MYO18A: variants seen among roughly 807,000 people sequenced by gnomAD.
The protein encoded by MYO18A is unconventional myosin-XVIIIa.
In MYO18A, 78 loss-of-function variants were observed where a neutral mutation model predicts 235.8. That is an observed-to-expected ratio of 0.33 (90% confidence interval 0.28 to 0.40). MYO18A has a LOEUF of 0.40. Ranked by LOEUF, MYO18A falls within the 10% of genes least tolerant of loss-of-function variation. The pLI is 1.00. For synonymous variants in MYO18A, 977 were observed against 1,077.8 expected, an observed-to-expected ratio of 0.91 and a Z score of 1.83; for missense variants, 2,215 against 2,699.3, an observed-to-expected ratio of 0.82 and a Z score of 3.98.
intron 2 of MYO18A, among the ~76,000 whole-genome samples, chr17:29,145,436 G>T (rs1400287817): frequency 6.6e-6 from 1 of 152,202 alleles, no homozygotes; most frequent in Non-Finnish European, 1.5e-5. Context: ...AGAGCTGGGG[G>T]AAGGCCAGAC....
At position 29,109,473 on chromosome 17, in the gene MYO18A, T is replaced by C. The variant is rs1237653995; in HGVS notation, c.3331+385A>G. On this transcript the variant is annotated intron_variant, in intron 19 of 41. Transcript: ENST00000527372. This position sits in a 1 kb window ranked among gnomAD's most constrained non-coding sequence, Gnocchi z 4.1. ...GAATTTTAAGTACTTCAGAAAGATT[T>C]AGCACCTCATTTCTCACTGGGCAGA... 6.6e-6 allele frequency among the ~76,000 whole-genome samples: 1 copy of C among 152,236 alleles called. No homozygotes were observed. Among genetic ancestry groups the C allele is most frequent in the Non-Finnish European group, 1.5e-5 (1 of 68,042 alleles).
intron 28 of MYO18A, 132 bp from the exon 29 acceptor site, chr17:29,095,191 C>T: frequency 7.6e-7 from 1 of 1,319,322 alleles, no homozygotes; most frequent in Non-Finnish European, 1.0e-6. Context: ...AACGTGGGGC[C>T]AGTTGTAAGG....
rs2066879647 is a variant in MYO18A, at chr17:29,109,665, ACT to A, written c.3331+191_3331+192del. Among the ~76,000 whole-genome samples, 1 of 151,720 alleles carries A rather than the reference ACT, an allele frequency of 6.6e-6. No homozygotes were observed. Among genetic ancestry groups the A allele is most frequent in the Non-Finnish European group, 1.5e-5 (1 of 67,918 alleles). On this transcript the variant is annotated intron_variant, in intron 19 of 41. Transcript: ENST00000527372. The surrounding 1 kb of genome is among the most constrained non-coding windows in gnomAD (Gnocchi z 4.1). ...ATGGAAGGGAGAGGAGGAGGCGGGG[ACT>A]CTGCAGGATGGAAGGAAATGGACAA...
chr17:29,079,503 G>A (rs919416161), intron 41 of MYO18A, among the ~76,000 whole-genome samples: 3 of 152,228 alleles, frequency 2.0e-5, no homozygotes, highest in Non-Finnish European at 2.9e-5. Context: ...GTAAGTGGGA[G>A]CTATGACATC....
chr17:29,164,258 C>T (rs1198544445), intron 2 of MYO18A, among the ~76,000 whole-genome samples: 2 of 152,196 alleles, frequency 1.3e-5, no homozygotes, highest in Non-Finnish European at 2.9e-5. Context: ...TCTCTGAGTT[C>T]CACCTAACCT....
In MYO18A at chr17:29,115,216, T is replaced by C; in HGVS notation, c.2319-117A>G. ...CAGGACCCTGGTGGGGAGGGCATGC[T>C]GGCCTTGCTCATAGCCCATGGGACA... On this transcript the variant is annotated intron_variant, in intron 13 of 41. Coordinates refer to ENST00000527372, the MANE Select transcript of MYO18A (RefSeq NM_078471.4). 3 of 1,424,784 alleles carry C rather than the reference T, an allele frequency of 2.1e-6. No homozygotes were observed. In the South Asian group the frequency reaches 4.0e-5, roughly 19 times the overall value. The allele number at this position is 1,424,784 out of a possible 1,614,324, so 88.3% of individuals were successfully genotyped here. A position where few individuals can be genotyped will look rare whatever the true frequency, so the allele number is the denominator to read the frequency against.
At position 29,098,411 on chromosome 17, in the gene MYO18A, T is replaced by G. The variant is rs1182327493; in HGVS notation, c.3815A>C (p.Lys1272Thr). 3 of 1,613,828 alleles carry G rather than the reference T, an allele frequency of 1.9e-6. No homozygotes were observed. The highest frequency in any genetic ancestry group is 2.7e-5 in the African/African-American group (2 of 74,934). ...EIQQLRSKLE[K>T]AEKERNELRL... Reference sequence around the variant, plus strand: ...CAGCTCGTTCCTCTCCTTCTCCGCCTTCTCGAGCTTGCTCCGCAGCTGCTG... The same window carrying G: ...CAGCTCGTTCCTCTCCTTCTCCGCCGTCTCGAGCTTGCTCCGCAGCTGCTG... Residue 1272 changes from lysine (K) to threonine (T), a missense_variant, in exon 24 of 42, where the codon AAG becomes ACG. By Grantham distance (78) the Lys-to-Thr change is moderately conservative. Coordinates refer to ENST00000527372, the MANE Select transcript of MYO18A (RefSeq NM_078471.4).
At chr17:29,107,056 A>T in intron 20 of MYO18A, 24 bp downstream of exon 20, 1 of 1,604,760 alleles carries the variant, frequency 6.2e-7, no homozygotes, top group Non-Finnish European at 8.5e-7. Context: ...GCAGAGGGAG[A>T]GCGGTCTGGG....
chr17:29,140,220 C>T lies in MYO18A; in HGVS notation c.1000-17967G>A. 2 of 658,092 alleles carry T rather than the reference C, an allele frequency of 3.0e-6. No individual in the cohort carries two copies. The highest frequency in any genetic ancestry group is 4.2e-6 in the Non-Finnish European group (2 of 477,126). The allele number at this position is 658,092 out of a possible 1,614,324, so 40.8% of individuals were successfully genotyped here. On this transcript the variant is annotated intron_variant, in intron 2 of 41. Coordinates refer to ENST00000527372, the MANE Select transcript of MYO18A (RefSeq NM_078471.4). The surrounding 1 kb of genome is among the most constrained non-coding windows in gnomAD (Gnocchi z 4.2). ...GGAGCCCCAAGGCTGCCCCACCCCT[C>T]TCCCCACCTACTTCAGCCACATCTG...
chr17:29,146,209 G>T (rs534895457), intron 2 of MYO18A, among the ~76,000 whole-genome samples: 1 of 152,240 alleles, frequency 6.6e-6, no homozygotes, highest in African/African-American at 2.4e-5. Context: ...AGTGAGCTGA[G>T]ATCACGCCAC....
chr17:29,086,605 C>T, intron 38 of MYO18A, 28 bp from the exon 39 acceptor site: 1 of 1,609,056 alleles, frequency 6.2e-7, no homozygotes, highest in Non-Finnish European at 8.5e-7. Context: ...GCCCAGTTTG[C>T]AGGAGGGCTA....
At chr17:29,101,081 T>C (rs1333616981) in intron 21 of MYO18A, among the ~76,000 whole-genome samples, 2 of 152,160 alleles carry the variant, frequency 1.3e-5, no homozygotes, top group Non-Finnish European at 2.9e-5. Flanking sequence ...CACTGCAACC[T>C]CTACCTCCCA....
intron 40 of MYO18A, among the ~76,000 whole-genome samples, 165 bp from the exon 41 acceptor site, chr17:29,082,603 T>C (rs1043139977): frequency 3.3e-5 from 5 of 151,928 alleles, no homozygotes; most frequent in African/African-American, 4.8e-5. Context: ...GAGCACACCA[T>C]TCACAAGGAG....
chr17:29,090,210 T>C (rs2152751660), intron 36 of MYO18A, 112 bp from the exon 37 acceptor site: 1 of 1,246,280 alleles, frequency 8.0e-7, no homozygotes, highest in Non-Finnish European at 1.1e-6. Context: ...GAGGGAGGGA[T>C]GCACCTGGGA....
chr17:29,114,301 T>C, intron 14 of MYO18A: 3 of 558,046 alleles, frequency 5.4e-6, no homozygotes, highest in Non-Finnish European at 9.6e-6. Context: ...AGAACCTCTT[T>C]TTATCCGAAG....
At position 29,110,574 on chromosome 17, in the gene MYO18A, C is replaced by A; in HGVS notation, c.2949G>T (p.Val983=). ...CCAGGCCCGCGATGGAGCCAGAGAGCACCGTGGCACTGCCTGCGCGGCCCA... is the reference window on the plus strand; with the variant it reads ...CCAGGCCCGCGATGGAGCCAGAGAGAACCGTGGCACTGCCTGCGCGGCCCA... The part of the protein sequence containing the change: ...LFLGRAGSAT[V]LSGSIAGLEG... Residue 983 remains valine (V), a synonymous_variant, in exon 18 of 42, where the codon GTG becomes GTT. Coordinates refer to ENST00000527372, the MANE Select transcript of MYO18A (RefSeq NM_078471.4). 1 of 1,612,184 alleles carries A rather than the reference C, an allele frequency of 6.2e-7. No homozygotes were observed. Among genetic ancestry groups the A allele is most frequent in the Middle Eastern group, 1.7e-4 (1 of 6,046 alleles).
chr17:29,142,910 C>T (rs1022739159), intron 2 of MYO18A, among the ~76,000 whole-genome samples: 8 of 152,246 alleles, frequency 5.3e-5, no homozygotes, highest in Non-Finnish European at 1.0e-4. Flanking sequence ...CAGGTTCAAG[C>T]GATTCTTGTG....
Position 29,074,070 on chromosome 17 carries a change from C to T in MYO18A, c.*700G>A. On this transcript the variant is annotated 3_prime_UTR_variant, in exon 42 of 42. Coordinates refer to ENST00000527372, the MANE Select transcript of MYO18A (RefSeq NM_078471.4). This position sits in a 1 kb window ranked among gnomAD's most constrained non-coding sequence, Gnocchi z 4.4. Reference sequence around the variant, plus strand: ...CACTTGTCTGCGTAGGCTTGCTCAACCCAGCCCAGCAGCACCGGAGAGCCC... The same window carrying T: ...CACTTGTCTGCGTAGGCTTGCTCAATCCAGCCCAGCAGCACCGGAGAGCCC... 1.2e-6 allele frequency: 2 copies of T among 1,613,992 alleles called. No homozygotes were observed. Among genetic ancestry groups the T allele is most frequent in the Non-Finnish European group, 1.7e-6 (2 of 1,180,016 alleles).
In MYO18A at chr17:29,125,849, G is replaced by A; in HGVS notation, c.1000-3596C>T. ...AGGGTCCTGCCGCCAGCCTCAGGAA[G>A]AGGGCGGCCAGGGACTGGGACCCAC... On this transcript the variant is annotated intron_variant, in intron 2 of 41. Transcript: ENST00000527372. This position sits in a 1 kb window ranked among gnomAD's most constrained non-coding sequence, Gnocchi z 5.1. 10 of 965,084 alleles carry A rather than the reference G, an allele frequency of 1.0e-5. No individual in the cohort carries two copies. Among genetic ancestry groups the A allele is most frequent in the Non-Finnish European group, 1.2e-5 (10 of 810,714 alleles). 59.8% of individuals were successfully genotyped at this position (965,084 alleles called of 1,614,324 possible).
Sources: allele counts gnomAD v4.1 joint callset (sites outside exome capture counted in the v4.1 genomes callset), GRCh38; gene constraint gnomAD v4.1.1; non-coding constraint Gnocchi (gnomAD v3.1); transcripts MANE v1.5; gene names NCBI Gene and HGNC (gene_info 2026-07-23, HGNC 2026-07-21).